The following HPSE2 variants were observed in gnomAD, a reference collection of about 807,000 sequenced individuals.
HPSE2 encodes inactive heparanase-2.
HPSE2 carries 38 observed loss-of-function variants against 60.5 expected under a neutral mutation model. The ratio of observed to expected loss-of-function variants is 0.63; its 90% confidence interval spans 0.48 to 0.82. The LOEUF (loss-of-function observed/expected upper bound fraction) is 0.82. HPSE2 is among the 40% of genes least tolerant of loss of function. The probability of loss-of-function intolerance (pLI) is 0.00; values close to 1 mark genes in which losing one functional copy is unlikely to be tolerated. For synonymous variants in HPSE2, 295 were observed against 293.2 expected, an observed-to-expected ratio of 1.01 and a Z score of -0.06; for missense variants, 713 against 740.4, an observed-to-expected ratio of 0.96 and a Z score of 0.43.
intron 2 of HPSE2, among the ~76,000 whole-genome samples, chr10:99,157,255 A>G (rs1445877615): frequency 2.1e-5 from 1 of 47,882 alleles, no homozygotes; most frequent in African/African-American, 6.2e-5. Flanking sequence ...AAACTACTTT[A>G]AAGTTCATAT....
chr10:99,133,846 G>A (rs1046480328), intron 3 of HPSE2, among the ~76,000 whole-genome samples: 1 of 152,112 alleles, frequency 6.6e-6, no homozygotes, highest in African/African-American at 2.4e-5. Flanking sequence ...TCTCCAGCAA[G>A]GGAACAAAAC....
intron 3 of HPSE2, among the ~76,000 whole-genome samples, chr10:99,050,013 T>C (rs547708427): frequency 6.6e-6 from 1 of 152,290 alleles, no homozygotes; most frequent in East Asian, 1.9e-4. Flanking sequence ...ATTAAGGAAA[T>C]GTAAGCTGGG....
rs150963671 is a variant in HPSE2 at position 98,500,696 on chromosome 10, T to G, written c.1321-10500A>C. Among the ~76,000 whole-genome samples, 1,513 of 151,706 alleles carry G rather than the reference T, an allele frequency of 1.0e-2. 31 individuals carry two copies. Among genetic ancestry groups the G allele is most frequent in the African/African-American group, 0.031 (1,291 of 41,376 alleles). ...AGATCAGAGCAGAGCTAAATGAAAT[T>G]GAAACAAACAAAAAATACAAAAGAT... On this transcript the variant is annotated intron_variant, in intron 9 of 11. Transcript: ENST00000370552.
chr10:98,562,503 T>G (rs879633945), intron 9 of HPSE2, among the ~76,000 whole-genome samples: 157 of 151,706 alleles, frequency 1.0e-3, no homozygotes, highest in African/African-American at 3.7e-3. Flanking sequence ...GATCACAAGG[T>G]CAGGAGATCG....
chr10:98,498,024 A>G (rs898534609), intron 9 of HPSE2, among the ~76,000 whole-genome samples: 1 of 152,178 alleles, frequency 6.6e-6, no homozygotes, highest in African/African-American at 2.4e-5. Flanking sequence ...CCGAAAGACA[A>G]ACACTTTTCT....
chr10:98,811,394 C>T (rs1181969138), intron 3 of HPSE2, among the ~76,000 whole-genome samples: 2 of 151,998 alleles, frequency 1.3e-5, no homozygotes, highest in East Asian at 3.8e-4. Flanking sequence ...TATTGTTTCC[C>T]CAGTTTACCA....
intron 2 of HPSE2, among the ~76,000 whole-genome samples, chr10:99,205,142 T>C (rs1011339589): frequency 6.6e-6 from 1 of 152,212 alleles, no homozygotes; most frequent in Non-Finnish European, 1.5e-5. Context: ...TTGGTTACAA[T>C]GTTCACTATT....
chr10:99,172,897 A>G (rs1847372151), intron 2 of HPSE2, among the ~76,000 whole-genome samples: 1 of 152,158 alleles, frequency 6.6e-6, no homozygotes, highest in African/African-American at 2.4e-5. Context: ...AAGAAGAAAA[A>G]GAAGAAAGGG....
chr10:98,865,816 CAGAG>C (rs1952574081), intron 3 of HPSE2, among the ~76,000 whole-genome samples: 1 of 152,084 alleles, frequency 6.6e-6, no homozygotes, highest in Non-Finnish European at 1.5e-5. Flanking sequence ...ACGGAGTACT[CAGAG>C]AGGTCTTGCC....
At chr10:98,540,425 C>T (rs10786436) in intron 9 of HPSE2, among the ~76,000 whole-genome samples, 60,170 of 151,966 alleles carry the variant, frequency 0.4, 12,448 homozygotes, top group East Asian at 0.53. Context: ...TGACCGTGAC[C>T]GTCGTAGGAC....
chr10:98,588,013 T>C (rs74391172), intron 9 of HPSE2, among the ~76,000 whole-genome samples: 11 of 152,222 alleles, frequency 7.2e-5, no homozygotes, highest in Non-Finnish European at 1.3e-4. Context: ...ATCTATTGAA[T>C]TGAGGACATC....
intron 3 of HPSE2, among the ~76,000 whole-genome samples, chr10:98,916,935 G>GTTTA (rs1954135296): frequency 6.6e-6 from 1 of 152,140 alleles, no homozygotes; most frequent in Non-Finnish European, 1.5e-5. Flanking sequence ...TGTTTACCAT[G>GTTTA]CCTCCTACTG....
chr10:99,228,696 A>G (rs1849551486), intron 2 of HPSE2, among the ~76,000 whole-genome samples: 1 of 152,224 alleles, frequency 6.6e-6, no homozygotes, highest in Admixed American at 6.5e-5. Context: ...CTAAGCATAG[A>G]GTAGAATAGT....
intron 3 of HPSE2, among the ~76,000 whole-genome samples, chr10:98,838,381 G>A (rs1434759426): frequency 6.6e-6 from 1 of 151,858 alleles, no homozygotes; most frequent in African/African-American, 2.4e-5. Context: ...ATAGCTGAAT[G>A]CATTATATTA....
At chr10:99,047,641 G>A in intron 3 of HPSE2, 1 of 713,418 alleles carries the variant, frequency 1.4e-6, no homozygotes, top group Non-Finnish European at 2.5e-6. Context: ...CTGGAACCAT[G>A]GATGGTGTAG....
intron 9 of HPSE2, among the ~76,000 whole-genome samples, chr10:98,589,234 T>G (rs1476954829): frequency 6.6e-6 from 1 of 152,204 alleles, no homozygotes; most frequent in Non-Finnish European, 1.5e-5. Flanking sequence ...TGTGTAGTCA[T>G]AACATCCGAG....
intron 3 of HPSE2, among the ~76,000 whole-genome samples, chr10:98,927,534 A>T (rs1401377959): frequency 6.8e-6 from 1 of 146,710 alleles, no homozygotes; most frequent in African/African-American, 2.6e-5. Flanking sequence ...CACCAAGGCA[A>T]TCCTAAGCCA....
intron 3 of HPSE2, among the ~76,000 whole-genome samples, chr10:98,943,266 A>G (rs1354368063): frequency 1.3e-4 from 20 of 151,626 alleles, no homozygotes; most frequent in Non-Finnish European, 2.9e-4. Flanking sequence ...AAAAAAATAA[A>G]TAAATAAAAA....
chr10:98,773,038 T>C (rs1272803964), intron 3 of HPSE2, among the ~76,000 whole-genome samples: 1 of 152,158 alleles, frequency 6.6e-6, no homozygotes, highest in African/African-American at 2.4e-5. Flanking sequence ...CTACTTCACT[T>C]GCCCTCCATT....
Sources: gnomAD v4.1 joint callset for allele counts (sites outside exome capture counted in the v4.1 genomes callset) on GRCh38, gnomAD v4.1.1 for gene constraint, MANE v1.5 for transcripts, NCBI Gene and HGNC (gene_info 2026-07-23, HGNC 2026-07-21) for gene names.